The following LHFPL3 variants were observed in gnomAD, a reference collection of about 807,000 sequenced individuals.
The protein encoded by LHFPL3 is LHFPL tetraspan subfamily member 3 protein.
A neutral mutation model predicts 19.3 loss-of-function variants in LHFPL3; 5 were observed. The ratio of observed to expected loss-of-function variants is 0.26; its 90% CI spans 0.14 to 0.54. LHFPL3 has a LOEUF of 0.54. Ranked by LOEUF, LHFPL3 falls within the 20% of genes least tolerant of loss-of-function variation. LHFPL3 has a pLI of 0.94. For synonymous variants in LHFPL3, 133 were observed against 126.2 expected, an observed-to-expected ratio of 1.05 and a Z score of -0.36; for missense variants, 249 against 307.4, an observed-to-expected ratio of 0.81 and a Z score of 1.42.
At chr7:104,626,806 A>G (rs1221395238) in intron 1 of LHFPL3, among the ~76,000 whole-genome samples, 3 of 152,152 alleles carry the variant, frequency 2.0e-5, no homozygotes, top group African/African-American at 2.4e-5. Context: ...AGGGTCTACT[A>G]TATTTCCATG....
chr7:104,738,843 C>T (rs1320721583), intron 2 of LHFPL3: 5 of 152,154 alleles, frequency 3.3e-5, no homozygotes, highest in African/African-American at 9.7e-5. Flanking sequence ...TATTAAACCA[C>T]CTTGCTATAA....
chr7:104,409,626 G>A (rs1791495770), intron 1 of LHFPL3, among the ~76,000 whole-genome samples: 2 of 151,544 alleles, frequency 1.3e-5, no homozygotes, highest in African/African-American at 2.4e-5. Context: ...AAAAGAATAA[G>A]TAAATAAATA....
At chr7:104,352,158 C>A in intron 1 of LHFPL3, among the ~76,000 whole-genome samples, 1 of 149,154 alleles carries the variant, frequency 6.7e-6, no homozygotes. Context: ...GAGCGAGGCC[C>A]TGTATAAAAA....
At chr7:104,634,588 C>T (rs868057107) in intron 1 of LHFPL3, among the ~76,000 whole-genome samples, 3 of 151,980 alleles carry the variant, frequency 2.0e-5, no homozygotes, top group Middle Eastern at 3.2e-3. Flanking sequence ...CAGTATCTGC[C>T]GAGTGAATAG....
Position 104,442,535 on chromosome 7 carries a change from C to T in LHFPL3, c.445+113311C>T, listed in dbSNP as rs185722785. On this transcript the variant is annotated intron_variant, in intron 1 of 2. Transcript: ENST00000424859. Reference sequence around the variant, plus strand: ...ACTCAGTACATTGCTAAAGCTTTGTCAACTATTATCTTTTCATGTAGCAAG... The same window carrying T: ...ACTCAGTACATTGCTAAAGCTTTGTTAACTATTATCTTTTCATGTAGCAAG... Among the ~76,000 whole-genome samples the T allele has an allele frequency of 1.4e-3, 209 of 152,220 alleles. 1 individual carries two copies. The highest frequency in any genetic ancestry group is 2.9e-4 in the Non-Finnish European group (20 of 68,020).
chr7:104,408,255 T>G (rs955366927), intron 1 of LHFPL3, among the ~76,000 whole-genome samples: 2 of 152,238 alleles, frequency 1.3e-5, no homozygotes, highest in Non-Finnish European at 2.9e-5. Flanking sequence ...GCTGTTCATT[T>G]GAAATACATT....
intron 1 of LHFPL3, among the ~76,000 whole-genome samples, chr7:104,373,580 C>G (rs1032822645): frequency 6.6e-6 from 1 of 151,556 alleles, no homozygotes; most frequent in East Asian, 1.9e-4. Flanking sequence ...CCAAGGTGGT[C>G]GGGGTACAGT....
chr7:104,335,480 G>A (rs1190938896), intron 1 of LHFPL3, among the ~76,000 whole-genome samples: 1 of 152,170 alleles, frequency 6.6e-6, no homozygotes, highest in Non-Finnish European at 1.5e-5. Flanking sequence ...ACAATTGGAA[G>A]AGATGTTAGA....
At chr7:104,341,491 T>G (rs1789951936) in intron 1 of LHFPL3, among the ~76,000 whole-genome samples, 1 of 152,244 alleles carries the variant, frequency 6.6e-6, no homozygotes, top group East Asian at 1.9e-4. Context: ...TCCAAATTCC[T>G]TTTGTGGTGA....
chr7:104,528,866 G>T (rs1023758177), intron 1 of LHFPL3, among the ~76,000 whole-genome samples: 1 of 152,138 alleles, frequency 6.6e-6, no homozygotes, highest in African/African-American at 2.4e-5. Context: ...TCTTTTTGGT[G>T]TAAGGGATAG....
At chr7:104,431,354 G>A (rs2116560507) in intron 1 of LHFPL3, among the ~76,000 whole-genome samples, 1 of 152,212 alleles carries the variant, frequency 6.6e-6, no homozygotes, top group Middle Eastern at 3.4e-3. Flanking sequence ...TACTGTCTAT[G>A]TTTCCCCAAT....
At chr7:104,589,429 T>C (rs1399977484) in intron 1 of LHFPL3, among the ~76,000 whole-genome samples, 1 of 152,228 alleles carries the variant, frequency 6.6e-6, no homozygotes, top group Non-Finnish European at 1.5e-5. Context: ...GATTTGCATA[T>C]ATTGAACCAG....
At chr7:104,551,140 C>G (rs1002299236) in intron 1 of LHFPL3, among the ~76,000 whole-genome samples, 1 of 149,930 alleles carries the variant, frequency 6.7e-6, no homozygotes, top group Admixed American at 6.7e-5. Context: ...CACACACACA[C>G]TTCATGTTTG....
chr7:104,600,482 G>C (rs1485950142), intron 1 of LHFPL3, among the ~76,000 whole-genome samples: 1 of 152,194 alleles, frequency 6.6e-6, no homozygotes, highest in Non-Finnish European at 1.5e-5. Context: ...CAGAGCCACT[G>C]GGGGCCATTA....
At chr7:104,337,823 A>T (rs1203403355) in intron 1 of LHFPL3, among the ~76,000 whole-genome samples, 1 of 152,200 alleles carries the variant, frequency 6.6e-6, no homozygotes, top group Non-Finnish European at 1.5e-5. Flanking sequence ...GATATTGTGG[A>T]TCTGTGTGAT....
chr7:104,391,476 T>C (rs905997422), intron 1 of LHFPL3, among the ~76,000 whole-genome samples: 4 of 152,182 alleles, frequency 2.6e-5, no homozygotes, highest in African/African-American at 9.7e-5. Context: ...GTTAGGTTTG[T>C]CAAAGATCAG....
At chr7:104,340,126 T>A (rs1213346765) in intron 1 of LHFPL3, among the ~76,000 whole-genome samples, 1 of 152,214 alleles carries the variant, frequency 6.6e-6, no homozygotes, top group African/African-American at 2.4e-5. Flanking sequence ...GGGTAAGTCA[T>A]CTAACTAATT....
intron 1 of LHFPL3, among the ~76,000 whole-genome samples, chr7:104,684,252 C>T (rs1285010309): frequency 1.3e-5 from 2 of 152,232 alleles, no homozygotes; most frequent in African/African-American, 4.8e-5. Flanking sequence ...CCAACCACCA[C>T]CTCCAATGTC....
intron 1 of LHFPL3, among the ~76,000 whole-genome samples, chr7:104,732,557 G>C (rs1017465553): frequency 6.6e-6 from 1 of 152,146 alleles, no homozygotes; most frequent in Admixed American, 6.6e-5. Context: ...CTTTCTGTGG[G>C]ATTGGTGGTG....
Sources: allele counts gnomAD v4.1 joint callset (sites outside exome capture counted in the v4.1 genomes callset), GRCh38; gene constraint gnomAD v4.1.1; transcripts MANE v1.5; gene names NCBI Gene and HGNC (gene_info 2026-07-23, HGNC 2026-07-21).